CCDC197: variants seen among roughly 807,000 people sequenced by gnomAD.
CCDC197 encodes the protein coiled-coil domain containing 197.
CCDC197 carries 24 observed loss-of-function variants against 13.4 expected under a neutral mutation model. That is an observed-to-expected ratio of 1.80 (90% CI 1.30 to 2.53). The LOEUF (loss-of-function observed/expected upper bound fraction) is 2.53. CCDC197 is among the 30% of genes most tolerant of loss of function. CCDC197 has a pLI of 0.00. For synonymous variants in CCDC197, 99 were observed against 55.5 expected (o/e 1.78, Z -3.48); for missense variants, 255 against 148.8 (o/e 1.71, Z -3.71).
At chr14:93,988,835 CATGGGAGGAGGGG>C (rs1414756840) in intron 1 of CCDC197, among the ~76,000 whole-genome samples, 3 of 43,398 alleles carry the variant, frequency 6.9e-5, no homozygotes, top group African/African-American at 1.8e-4. Context: ...TGGGAGAGGG[CATGGGAGGAGGGG>C]ATGGGAGGAG....
intron 1 of CCDC197, 143 bp from the exon 2 acceptor site, chr14:93,997,856 C>T: frequency 2.2e-6 from 1 of 448,194 alleles, no homozygotes; most frequent in East Asian, 4.0e-5. Context: ...CAGAATGGCA[C>T]CCTCAACCTC....
At chr14:94,011,473 C>G (rs1429948663), downstream of CCDC197, among the ~76,000 whole-genome samples, 1 of 152,232 alleles carries the variant, frequency 6.6e-6, no homozygotes, top group South Asian at 2.1e-4. Context: ...GGGCTGGGGC[C>G]GTGAATTGGA....
At chr14:94,010,212 C>G (rs113796274), downstream of CCDC197, among the ~76,000 whole-genome samples, 13,320 of 143,354 alleles carry the variant, frequency 0.093, 587 homozygotes, top group Middle Eastern at 0.17. Context: ...TGTTTGTTGT[C>G]GTTGTTTTTG....
chr14:93,994,602 G>C (rs1890253082), upstream of CCDC197, among the ~76,000 whole-genome samples: 1 of 152,214 alleles, frequency 6.6e-6, no homozygotes, highest in South Asian at 2.1e-4. Flanking sequence ...GTGCCTATGG[G>C]ACACTTCAGG....
intron 1 of CCDC197, 146 bp from the exon 2 acceptor site, chr14:93,997,853 G>A (rs551409721): frequency 4.3e-4 from 182 of 425,476 alleles, no homozygotes; most frequent in Non-Finnish European, 6.2e-4. Flanking sequence ...CTGCAGAATG[G>A]CACCCTCAAC....
intron 1 of CCDC197, among the ~76,000 whole-genome samples, chr14:93,991,412 A>G (rs1890208854): frequency 2.0e-5 from 3 of 152,216 alleles, no homozygotes; most frequent in Admixed American, 2.0e-4. Flanking sequence ...CTTACAGACG[A>G]GGACACAGAG....
upstream of CCDC197, among the ~76,000 whole-genome samples, chr14:93,996,645 C>T (rs1460834280): frequency 6.6e-6 from 1 of 152,212 alleles, no homozygotes; most frequent in African/African-American, 2.4e-5. Context: ...GTGGAGCCCA[C>T]ACTGAGCTGT....
chr14:93,996,806 C>G (rs757875028), upstream of CCDC197, among the ~76,000 whole-genome samples: 2 of 152,236 alleles, frequency 1.3e-5, no homozygotes, highest in African/African-American at 4.8e-5. Flanking sequence ...CCACCTTCCC[C>G]GGTGGCACAG....
rs1429788050 is a variant in CCDC197 at position 94,002,863 on chromosome 14, A to C, written c.367-360A>C. On this transcript the variant is annotated intron_variant, in intron 4 of 6. Transcript: ENST00000636493. ...AGTGAGACTGTCTCAAAAAAAAAAA[A>C]AAAACAAAATTATAAAGAAAAAGAG... is the stretch of plus-strand genomic sequence containing the variant. Among the ~76,000 whole-genome samples the C allele has an allele frequency of 4.6e-5, 7 of 151,134 alleles. 1 individual carries two copies. Among genetic ancestry groups the C allele is most frequent in the Non-Finnish European group, 7.4e-5 (5 of 67,924 alleles).
intron 4 of CCDC197, 121 bp downstream of exon 4, chr14:94,001,444 C>G: frequency 1.8e-6 from 1 of 555,136 alleles, no homozygotes; most frequent in South Asian, 2.3e-5. Context: ...TGCTGGGGGG[C>G]CCTCGGTGGG....
At chr14:94,004,573 C>T (rs1053645994) in intron 5 of CCDC197, among the ~76,000 whole-genome samples, 1 of 152,194 alleles carries the variant, frequency 6.6e-6, no homozygotes, top group Non-Finnish European at 1.5e-5. Context: ...CTTCCCAGTC[C>T]TCTGCTTCTA....
chr14:94,005,981 T>C (rs1890668702), intron 6 of CCDC197, among the ~76,000 whole-genome samples: 1 of 152,230 alleles, frequency 6.6e-6, no homozygotes, highest in South Asian at 2.1e-4. Flanking sequence ...CACATTTTTA[T>C]GCAGAGATAT....
chr14:94,008,666 A>G lies in CCDC197; in HGVS notation c.673A>G (p.Lys225Glu), dbSNP rs1890751593. 1.4e-6 allele frequency: 1 copy of G among 702,932 alleles called. No individual in the cohort carries two copies. Among genetic ancestry groups the G allele is most frequent in the Non-Finnish European group, 2.6e-6 (1 of 385,018 alleles). 43.5% of individuals were successfully genotyped at this position (702,932 alleles called of 1,614,324 possible). ...ACTGATCGCACTGCTCACGGAACCC[A>G]AAGTGTGCTGGTCATGGGACAGCTT... ...VRLIALLTEP[K>E]VCWSWDSFGD... Residue 225 changes from lysine to glutamate, a missense_variant, in exon 7 of 7, where the codon AAA becomes GAA. Lys to Glu is a moderately conservative substitution (Grantham distance 56, BLOSUM62 1). Transcript: ENST00000636493.
chr14:93,991,446 T>C (rs1890209327), intron 1 of CCDC197, among the ~76,000 whole-genome samples: 1 of 152,222 alleles, frequency 6.6e-6, no homozygotes, highest in Admixed American at 6.5e-5. Context: ...GAGTGATTCA[T>C]GATGGCTACA....
downstream of CCDC197, among the ~76,000 whole-genome samples, chr14:94,010,291 C>T (rs1430755344): frequency 6.6e-6 from 1 of 152,200 alleles, no homozygotes; most frequent in African/African-American, 2.4e-5. Flanking sequence ...GCAACCTCCA[C>T]CTCCCGGGTT....
intron 4 of CCDC197, 31 bp downstream of exon 4, chr14:94,001,354 C>G (rs1418065138): frequency 1.4e-6 from 1 of 721,286 alleles, no homozygotes; most frequent in Non-Finnish European, 2.6e-6. Context: ...GCTCCATTCC[C>G]CGTGGCCCAG....
At chr14:93,997,749 G>A (rs1056303447) in intron 1 of CCDC197, among the ~76,000 whole-genome samples, 178 bp downstream of exon 1, 2 of 152,184 alleles carry the variant, frequency 1.3e-5, no homozygotes, top group Non-Finnish European at 2.9e-5. Context: ...GCCAGCACTT[G>A]TTGAAAGTTC....
Position 94,003,469 on chromosome 14 carries a change from A to G in CCDC197, c.498+115A>G, listed in dbSNP as rs1890592981. ...CATACGCACGCAGACACACACACAC[A>G]GAGCCAGACACATAGACACACAGGC... On this transcript the variant is annotated intron_variant, in intron 5 of 6. Transcript: ENST00000636493. The surrounding 1 kb of genome is among the most constrained non-coding windows in gnomAD (Gnocchi z 5.0). The G allele has an allele frequency of 7.9e-6, 5 of 636,920 alleles. No homozygotes were observed. Among genetic ancestry groups the G allele is most frequent in the Non-Finnish European group, 1.4e-5 (5 of 349,324 alleles). The allele number at this position is 636,920 out of a possible 1,614,324, so 39.5% of individuals were successfully genotyped here.
In CCDC197 at chr14:94,002,771, T is replaced by G. The variant is rs568008235; in HGVS notation, c.367-452T>G. ...AGGAGGTTGAAGCAGGAGAATCACTTGAACCCAGGAGGCGGAGGTCGCAGT... is the reference window on the plus strand; with the variant it reads ...AGGAGGTTGAAGCAGGAGAATCACTGGAACCCAGGAGGCGGAGGTCGCAGT... On this transcript the variant is annotated intron_variant, in intron 4 of 6. Transcript: ENST00000636493. 2.0e-5 allele frequency among the ~76,000 whole-genome samples: 3 copies of G among 147,650 alleles called. No individual in the cohort carries two copies. In the South Asian group the frequency reaches 6.4e-4, roughly 32 times the overall value.
Sources: gnomAD v4.1 joint callset for allele counts (sites outside exome capture counted in the v4.1 genomes callset) on GRCh38, gnomAD v4.1.1 for gene constraint, Gnocchi (gnomAD v3.1) non-coding constraint, MANE v1.5 for transcripts, NCBI Gene and HGNC (gene_info 2026-07-23, HGNC 2026-07-21) for gene names.